FAT3: variants seen among roughly 807,000 people sequenced by gnomAD.
FAT3 encodes the protein protocadherin Fat 3.
A neutral mutation model predicts 310.2 loss-of-function variants in FAT3; 95 were observed. The observed-to-expected ratio is 0.31, with a 90% confidence interval of 0.26 to 0.36. The LOEUF (loss-of-function observed/expected upper bound fraction) is 0.36, where lower values mean the gene tolerates loss of function less well. Among genes scored for constraint, FAT3 ranks in the 10% least tolerant of loss-of-function variants. The probability of loss-of-function intolerance (pLI) is 1.00; values close to 1 mark genes in which losing one functional copy is unlikely to be tolerated. For missense variants in FAT3, 5,408 were observed against 5,715.6 expected (o/e 0.95, Z 1.74); for synonymous variants, 2,314 against 2,192.9 (o/e 1.06, Z -1.54).
intron 3 of FAT3, among the ~76,000 whole-genome samples, chr11:92,542,575 A>C (rs1373405044): frequency 6.6e-6 from 1 of 152,098 alleles, no homozygotes; most frequent in Non-Finnish European, 1.5e-5. Flanking sequence ...AATGGCCAAC[A>C]GGTATATGAA....
At chr11:92,781,273 G>C (rs905846985) in intron 7 of FAT3, among the ~76,000 whole-genome samples, 7 of 151,238 alleles carry the variant, frequency 4.6e-5, no homozygotes, top group Admixed American at 1.3e-4. Flanking sequence ...GTAGAGATGG[G>C]ATTATCCCCA....
chr11:92,691,102 G>A (rs1378519914), intron 3 of FAT3, among the ~76,000 whole-genome samples: 1 of 152,176 alleles, frequency 6.6e-6, no homozygotes, highest in Non-Finnish European at 1.5e-5. Flanking sequence ...TGTGCTCAGG[G>A]AATAAAGCAG....
At chr11:92,887,214 C>A in intron 25 of FAT3, 101 bp downstream of exon 25, 2 of 984,532 alleles carry the variant, frequency 2.0e-6, no homozygotes, top group East Asian at 2.6e-5. Flanking sequence ...TGTTTCTCAA[C>A]CTGTTCATGG....
chr11:92,248,743 A>G lies in FAT3; in HGVS notation c.-18+23569A>G, dbSNP rs1865026403. On this transcript the variant is annotated intron_variant, in intron 1 of 27. Transcript: ENST00000525166. Reference sequence around the variant, plus strand: ...ATAAGATTTCAAAACTTAATATATCAAAATGACACACTCACATGTATTTTA... The same window carrying G: ...ATAAGATTTCAAAACTTAATATATCGAAATGACACACTCACATGTATTTTA... 1.4e-5 allele frequency among the ~76,000 whole-genome samples: 2 copies of G among 143,734 alleles called. 1 individual carries two copies. The highest frequency in any genetic ancestry group is 4.2e-4 in the South Asian group (2 of 4,712). 94.3% of individuals were successfully genotyped at this position (143,734 alleles called of 152,430 possible).
At chr11:92,389,028 G>C (rs1424369358) in intron 2 of FAT3, among the ~76,000 whole-genome samples, 2 of 152,146 alleles carry the variant, frequency 1.3e-5, no homozygotes, top group Non-Finnish European at 2.9e-5. Flanking sequence ...CAAGACCCCT[G>C]TTTGTTCAGC....
intron 2 of FAT3, among the ~76,000 whole-genome samples, chr11:92,508,302 G>A (rs150528882): frequency 1.7e-3 from 258 of 152,184 alleles, no homozygotes; most frequent in Non-Finnish European, 3.2e-3. Flanking sequence ...CTGTGAAAGA[G>A]TGCATTCATT....
intron 1 of FAT3, among the ~76,000 whole-genome samples, chr11:92,297,457 A>T (rs1446899541): frequency 1.3e-5 from 2 of 151,820 alleles, no homozygotes; most frequent in African/African-American, 4.8e-5. Context: ...TACAATAAAG[A>T]CTCATTATTA....
rs1180494176 is a variant in FAT3, at chr11:92,893,893, A to G, written c.*2780A>G. 1 of 152,246 alleles carries G rather than the reference A, an allele frequency of 6.6e-6. No individual in the cohort carries two copies. The highest frequency in any genetic ancestry group is 1.5e-5 in the Non-Finnish European group (1 of 68,042). 9.4% of individuals were successfully genotyped at this position (152,246 alleles called of 1,614,324 possible). On this transcript the variant is annotated 3_prime_UTR_variant, in exon 28 of 28. Transcript: ENST00000525166. ...AAAAGCTGGAAGAATCCTATTTGCT[A>G]GTCCAAACTCCTTATTTTATCAAAG... is the stretch of plus-strand genomic sequence containing the variant.
chr11:92,714,247 G>A (rs974503671), intron 4 of FAT3, among the ~76,000 whole-genome samples: 8 of 152,136 alleles, frequency 5.3e-5, no homozygotes, highest in Admixed American at 5.2e-4. Flanking sequence ...GTGTCACAAT[G>A]TTCTGCCTAC....
In FAT3 at chr11:92,891,121, AT is replaced by A; in HGVS notation, c.*9del. On this transcript the variant is annotated 3_prime_UTR_variant, in exon 28 of 28. Coordinates refer to ENST00000525166, the MANE Select transcript of FAT3 (RefSeq NM_001367949.2). ...CATCAGACTCAAGTGTAGACATCAC[AT>A]CTTGGGTACTTCACCCTGTTTGTTA... The A allele has an allele frequency of 6.2e-7, 1 of 1,611,622 alleles. No homozygotes were observed. The highest frequency in any genetic ancestry group is 8.5e-7 in the Non-Finnish European group (1 of 1,178,660).
chr11:92,783,357 CAAAAAAAAAAAAAA>C (rs35357267), intron 7 of FAT3, among the ~76,000 whole-genome samples: 2 of 45,072 alleles, frequency 4.4e-5, no homozygotes, highest in East Asian at 1.4e-3. Context: ...GACTCCATCT[CAAAAAAAAAAAAAA>C]AAAAAAAAAG....
intron 2 of FAT3, among the ~76,000 whole-genome samples, chr11:92,516,998 A>G (rs2135332548): frequency 6.6e-6 from 1 of 152,354 alleles, no homozygotes; most frequent in East Asian, 1.9e-4. Flanking sequence ...AAACAAATGG[A>G]AAAACATTCC....
At chr11:92,307,669 T>A (rs1947176239) in intron 1 of FAT3, among the ~76,000 whole-genome samples, 1 of 152,076 alleles carries the variant, frequency 6.6e-6, no homozygotes. Flanking sequence ...GTACAAGACC[T>A]CACAAGAAGA....
intron 3 of FAT3, among the ~76,000 whole-genome samples, chr11:92,576,209 C>T (rs1938477041): frequency 1.3e-5 from 2 of 152,124 alleles, no homozygotes; most frequent in African/African-American, 4.8e-5. Context: ...AGCTTTGTCA[C>T]CGAGCTGCAT....
intron 20 of FAT3, among the ~76,000 whole-genome samples, chr11:92,858,203 C>A (rs1362999204): frequency 6.6e-6 from 1 of 152,218 alleles, no homozygotes; most frequent in African/African-American, 2.4e-5. Context: ...GAAACCAAAG[C>A]TCCTTCATAG....
At chr11:92,445,663 G>T (rs1951191516) in intron 2 of FAT3, among the ~76,000 whole-genome samples, 1 of 152,082 alleles carries the variant, frequency 6.6e-6, no homozygotes, top group Admixed American at 6.6e-5. Flanking sequence ...TTGCATATAT[G>T]AGTGTATATA....
chr11:92,304,082 C>T (rs1947063382), intron 1 of FAT3, among the ~76,000 whole-genome samples: 1 of 152,070 alleles, frequency 6.6e-6, no homozygotes, highest in African/African-American at 2.4e-5. Flanking sequence ...GTAACCTTTC[C>T]ATTACAAGAC....
chr11:92,807,160 G>A (rs1208466947), intron 12 of FAT3, among the ~76,000 whole-genome samples: 1 of 152,158 alleles, frequency 6.6e-6, no homozygotes, highest in East Asian at 1.9e-4. Flanking sequence ...CTTTTGGAAA[G>A]AAGTTTTCTT....
intron 1 of FAT3, among the ~76,000 whole-genome samples, chr11:92,249,531 G>A (rs749425640): frequency 2.9e-4 from 44 of 152,084 alleles, no homozygotes; most frequent in Admixed American, 8.5e-4. Flanking sequence ...CATATTGATT[G>A]ACTTGGGTTT....
Sources: gnomAD v4.1 joint callset for allele counts (sites outside exome capture counted in the v4.1 genomes callset) on GRCh38, gnomAD v4.1.1 for gene constraint, MANE v1.5 for transcripts, NCBI Gene and HGNC (gene_info 2026-07-23, HGNC 2026-07-21) for gene names.